Variants in KDM4C observed in about 807,000 individuals in gnomAD.
KDM4C encodes the protein lysine demethylase 4C.
KDM4C carries 81 observed loss-of-function variants against 129.3 expected under a neutral mutation model. The observed-to-expected ratio is 0.63, with a 90% confidence interval of 0.52 to 0.75. The LOEUF (loss-of-function observed/expected upper bound fraction) is 0.75, where lower values mean the gene tolerates loss of function less well. Among genes scored for constraint, KDM4C ranks in the 30% least tolerant of loss-of-function variants. The pLI is 0.00. For synonymous variants in KDM4C, 573 were observed against 456.1 expected (o/e 1.26, Z -3.26); for missense variants, 1,457 against 1,304.0 (o/e 1.12, Z -1.81).
At chr9:6,959,423 T>C (rs1829658217) in intron 8 of KDM4C, among the ~76,000 whole-genome samples, 1 of 152,184 alleles carries the variant, frequency 6.6e-6, no homozygotes, top group South Asian at 2.1e-4. Flanking sequence ...TGAAGAATGA[T>C]TTCTGAACTT....
At chr9:6,811,011 T>G (rs1254276034) in intron 3 of KDM4C, among the ~76,000 whole-genome samples, 3 of 152,380 alleles carry the variant, frequency 2.0e-5, no homozygotes, top group East Asian at 3.8e-4. Flanking sequence ...TAGAAATTTA[T>G]TTCAAATGCC....
At chr9:6,965,670 A>G (rs1367911521) in intron 8 of KDM4C, among the ~76,000 whole-genome samples, 1 of 152,188 alleles carries the variant, frequency 6.6e-6, no homozygotes, top group Non-Finnish European at 1.5e-5. Context: ...GCAGAAGCAA[A>G]CTGATGTTCC....
chr9:6,886,151 G>C (rs191134888), intron 6 of KDM4C, among the ~76,000 whole-genome samples: 1 of 152,146 alleles, frequency 6.6e-6, no homozygotes, highest in African/African-American at 2.4e-5. Flanking sequence ...AGGACATCTT[G>C]TTGTGTGGAC....
intron 17 of KDM4C, among the ~76,000 whole-genome samples, chr9:7,059,754 A>C (rs542072396): frequency 8.5e-5 from 13 of 152,334 alleles, no homozygotes; most frequent in African/African-American, 2.9e-4. Context: ...GATTGGCAAA[A>C]ATTTAAAACA....
chr9:6,847,584 G>T (rs1421567076), intron 4 of KDM4C, among the ~76,000 whole-genome samples: 1 of 152,096 alleles, frequency 6.6e-6, no homozygotes, highest in Non-Finnish European at 1.5e-5. Flanking sequence ...TAGAGACAGG[G>T]TTTCACCGTG....
intron 1 of KDM4C, among the ~76,000 whole-genome samples, chr9:6,724,985 G>T (rs1005087016): frequency 2.6e-5 from 4 of 152,122 alleles, no homozygotes; most frequent in African/African-American, 9.7e-5. Context: ...GAGGCTCTGG[G>T]GGAGGATCGG....
chr9:6,923,222 C>T (rs1240953611), intron 8 of KDM4C, among the ~76,000 whole-genome samples: 1 of 146,942 alleles, frequency 6.8e-6, no homozygotes, highest in African/African-American at 2.5e-5. Context: ...GCATTGGAAT[C>T]AGACAGATTT....
At chr9:7,003,315 G>T (rs567401007) in intron 12 of KDM4C, among the ~76,000 whole-genome samples, 1 of 152,162 alleles carries the variant, frequency 6.6e-6, no homozygotes. Flanking sequence ...GTTCATGCGT[G>T]TTATAAAATA....
At chr9:6,985,162 G>T (rs1007032209) in intron 10 of KDM4C, among the ~76,000 whole-genome samples, 1 of 152,132 alleles carries the variant, frequency 6.6e-6, no homozygotes, top group East Asian at 1.9e-4. Flanking sequence ...TCTTATTCAG[G>T]AATGTCAGCT....
chr9:7,112,752 T>C (rs1838470705), intron 18 of KDM4C, among the ~76,000 whole-genome samples: 1 of 152,188 alleles, frequency 6.6e-6, no homozygotes, highest in South Asian at 2.1e-4. Context: ...TGATACTGTC[T>C]TCCTTTAGTT....
intron 1 of KDM4C, among the ~76,000 whole-genome samples, chr9:6,791,442 C>G (rs1277609527): frequency 6.6e-6 from 1 of 152,148 alleles, no homozygotes; most frequent in Non-Finnish European, 1.5e-5. Context: ...TGTTCAGCCT[C>G]TAGACAGTTT....
intron 1 of KDM4C, among the ~76,000 whole-genome samples, chr9:6,721,430 T>A (rs1037981842): frequency 1.3e-5 from 2 of 151,578 alleles, no homozygotes; most frequent in Non-Finnish European, 2.9e-5. Flanking sequence ...ACCACAGGCA[T>A]GTGCCACGAC....
chr9:6,915,760 A>T (rs1257358841), intron 8 of KDM4C, among the ~76,000 whole-genome samples: 1 of 152,162 alleles, frequency 6.6e-6, no homozygotes, highest in Non-Finnish European at 1.5e-5. Flanking sequence ...CCTTCGAAGA[A>T]CAAGGAAAGG....
At chr9:6,817,618 A>G (rs1343598739) in intron 4 of KDM4C, among the ~76,000 whole-genome samples, 2 of 152,142 alleles carry the variant, frequency 1.3e-5, no homozygotes, top group Admixed American at 1.3e-4. Context: ...TCTGCATCTG[A>G]ATTTTTACTA....
intron 17 of KDM4C, among the ~76,000 whole-genome samples, chr9:7,057,052 T>A (rs754353192): frequency 1.3e-5 from 2 of 152,244 alleles, no homozygotes; most frequent in Non-Finnish European, 2.9e-5. Context: ...TGTGTAACAA[T>A]GAATTCATTA....
intron 1 of KDM4C, among the ~76,000 whole-genome samples, chr9:6,767,876 C>T (rs1201836707): frequency 6.6e-6 from 1 of 151,934 alleles, no homozygotes; most frequent in African/African-American, 2.4e-5. Context: ...GAATCTGGCC[C>T]TGAGATAGGT....
At chr9:7,159,996 A>G (rs1454150647) in intron 19 of KDM4C, among the ~76,000 whole-genome samples, 1 of 152,210 alleles carries the variant, frequency 6.6e-6, no homozygotes, top group Non-Finnish European at 1.5e-5. Context: ...GTCTTTTCAC[A>G]TAGACCCATA....
At chr9:6,884,932 T>A (rs981634719) in intron 6 of KDM4C, among the ~76,000 whole-genome samples, 1 of 152,238 alleles carries the variant, frequency 6.6e-6, no homozygotes, top group Non-Finnish European at 1.5e-5. Context: ...GGAACACACC[T>A]GTTCCATATT....
intron 15 of KDM4C, among the ~76,000 whole-genome samples, chr9:7,032,761 G>C (rs1234302777): frequency 4.6e-5 from 7 of 152,114 alleles, no homozygotes; most frequent in Non-Finnish European, 1.0e-4. Context: ...GTTTTTGGAG[G>C]GGAAAGAAGG....
Sources: allele counts gnomAD v4.1 joint callset (sites outside exome capture counted in the v4.1 genomes callset), GRCh38; gene constraint gnomAD v4.1.1; transcripts MANE v1.5; gene names NCBI Gene and HGNC (gene_info 2026-07-23, HGNC 2026-07-21).